UNC13C: variants seen among roughly 807,000 people sequenced by gnomAD.
The protein encoded by UNC13C is protein unc-13 homolog C.
A neutral mutation model predicts 245.4 loss-of-function variants in UNC13C; 174 were observed. The observed-to-expected ratio is 0.71, with a 90% CI of 0.63 to 0.80. UNC13C has a LOEUF of 0.80. Ranked by LOEUF, UNC13C falls within the 30% of genes least tolerant of loss-of-function variation. The probability of loss-of-function intolerance (pLI) is 0.00; values close to 1 mark genes in which losing one functional copy is unlikely to be tolerated. For synonymous variants in UNC13C, 992 were observed against 895.1 expected, an observed-to-expected ratio of 1.11 and a Z score of -1.93; for missense variants, 2,829 against 2,602.9, an observed-to-expected ratio of 1.09 and a Z score of -1.89.
At chr15:53,858,312 G>A in the UNC13C span, among the ~76,000 whole-genome samples, 2 of 151,608 alleles carry the variant, frequency 1.3e-5, no homozygotes, top group Non-Finnish European at 2.9e-5. Flanking sequence ...ATTATGTTTG[G>A]TTTCACTTTA....
chr15:54,361,493 T>C (rs2039230019), intron 17 of UNC13C, among the ~76,000 whole-genome samples: 1 of 152,196 alleles, frequency 6.6e-6, no homozygotes, highest in African/African-American at 2.4e-5. Context: ...TCATAGATAC[T>C]CAATCTGTGC....
the UNC13C span, among the ~76,000 whole-genome samples, chr15:53,939,671 G>A: frequency 2.6e-5 from 4 of 152,180 alleles, no homozygotes; most frequent in African/African-American, 9.7e-5. Flanking sequence ...TGGGATGCAA[G>A]GTTGGTTCAA....
intron 7 of UNC13C, among the ~76,000 whole-genome samples, chr15:54,238,047 G>A (rs979107178): frequency 6.9e-6 from 1 of 144,210 alleles, no homozygotes; most frequent in African/African-American, 2.6e-5. Flanking sequence ...CCAGCTGAAT[G>A]ATTAATTTCC....
the UNC13C span, chr15:53,948,729 T>C: frequency 0.33 from 50,419 of 151,442 alleles, 8,426 homozygotes; most frequent in African/African-American, 0.35. Flanking sequence ...GCAGAAATGA[T>C]GTGAGAAAGA....
intron 4 of UNC13C, among the ~76,000 whole-genome samples, chr15:54,188,598 G>C (rs1008007999): frequency 6.6e-6 from 1 of 152,116 alleles, no homozygotes; most frequent in Non-Finnish European, 1.5e-5. Context: ...AAGCCGGATT[G>C]CTTTACTTCA....
At chr15:53,851,514 ATC>A in the UNC13C span, among the ~76,000 whole-genome samples, 7 of 150,616 alleles carry the variant, frequency 4.6e-5, no homozygotes, top group South Asian at 2.1e-4. Flanking sequence ...AGTAAACAGA[ATC>A]TCTCTCTCTC....
intron 2 of UNC13C, among the ~76,000 whole-genome samples, chr15:54,036,665 C>T (rs1896589553): frequency 2.0e-5 from 3 of 152,180 alleles, no homozygotes; most frequent in Non-Finnish European, 4.4e-5. Flanking sequence ...CTCTGTGTTA[C>T]CTCTCCTTAG....
At chr15:54,068,925 G>A (rs996424266) in intron 2 of UNC13C, among the ~76,000 whole-genome samples, 3 of 152,106 alleles carry the variant, frequency 2.0e-5, no homozygotes, top group Non-Finnish European at 2.9e-5. Flanking sequence ...AATAAGTTAT[G>A]GTGTTTGGAT....
chr15:53,965,533 T>G, the UNC13C span, among the ~76,000 whole-genome samples: 15 of 138,998 alleles, frequency 1.1e-4, no homozygotes, highest in African/African-American at 4.4e-4. Context: ...ACTTTCTTTT[T>G]TTTCCCTTAT....
chr15:54,300,431 A>C (rs1199216919), intron 13 of UNC13C, 58 bp downstream of exon 13: 92 of 1,446,764 alleles, frequency 6.4e-5, no homozygotes, highest in Non-Finnish European at 8.4e-5. Flanking sequence ...AAAGAAAGAA[A>C]GGAGCGTTCA....
intron 19 of UNC13C, among the ~76,000 whole-genome samples, chr15:54,457,203 C>T (rs2141019198): frequency 6.6e-6 from 1 of 152,144 alleles, no homozygotes; most frequent in South Asian, 2.1e-4. Context: ...TATGTTAAAC[C>T]AACCCTCCAT....
At chr15:53,991,764 T>C (rs994547568) in intron 1 of UNC13C, among the ~76,000 whole-genome samples, 1 of 152,204 alleles carries the variant, frequency 6.6e-6, no homozygotes, top group African/African-American at 2.4e-5. Context: ...TTGTTTCTGA[T>C]AGTTAAACAC....
chr15:54,540,278 A>T (rs1192828835), intron 26 of UNC13C, among the ~76,000 whole-genome samples: 2 of 152,124 alleles, frequency 1.3e-5, no homozygotes, highest in Admixed American at 6.6e-5. Flanking sequence ...AAGTTTAGAT[A>T]TATGAAAATG....
chr15:54,050,750 A>G, intron 2 of UNC13C: 1 of 579,866 alleles, frequency 1.7e-6, no homozygotes, highest in Admixed American at 1.9e-5. Context: ...TCCACTAGTG[A>G]ACAAGTTCCT....
rs190464253 is a variant in UNC13C at position 54,374,722 on chromosome 15, A to G, written c.4714-18326A>G. 5.7e-3 allele frequency among the ~76,000 whole-genome samples: 874 copies of G among 152,266 alleles called. 16 individuals carry two copies. The highest frequency in any genetic ancestry group is 0.042 in the Admixed American group (644 of 15,300). Reference sequence around the variant, plus strand: ...AGGATTTCCATTCCTCCAACTTGGAAGGGGTGGGGGCTTCTGCCTGTTCCT... The same window carrying G: ...AGGATTTCCATTCCTCCAACTTGGAGGGGGTGGGGGCTTCTGCCTGTTCCT... On this transcript the variant is annotated intron_variant, in intron 17 of 32. Transcript: ENST00000260323.
chr15:53,928,809 A>T, the UNC13C span, among the ~76,000 whole-genome samples: 4 of 152,178 alleles, frequency 2.6e-5, no homozygotes, highest in Non-Finnish European at 5.9e-5. Context: ...TGTATAAGTG[A>T]TCTTAACATA....
Position 54,013,426 on chromosome 15 carries a change from G to T in UNC13C, c.523G>T (p.Gly175Cys). The T allele has an allele frequency of 3.1e-6, 5 of 1,613,792 alleles. No homozygotes were observed. The highest frequency in any genetic ancestry group is 4.2e-6 in the Non-Finnish European group (5 of 1,179,866). ...GSSDGERTLHGLKLGALRKLR... is the reference protein window; with the variant it reads ...GSSDGERTLHCLKLGALRKLR... ...CTCTGACGGGGAGCGTACTCTACATGGCTTAAAACTGGGAGCTTTACGAAA... is the reference window on the plus strand; with the variant it reads ...CTCTGACGGGGAGCGTACTCTACATTGCTTAAAACTGGGAGCTTTACGAAA... The change falls in exon 2 of 33, where the codon GGC (glycine) becomes TGC (cysteine). Residue 175 changes from glycine (G) to cysteine (C), a missense_variant. Coordinates refer to ENST00000260323, the MANE Select transcript of UNC13C (RefSeq NM_001080534.3).
chr15:54,504,365 C>T (rs1894372991), intron 22 of UNC13C, among the ~76,000 whole-genome samples: 1 of 152,068 alleles, frequency 6.6e-6, no homozygotes, highest in African/African-American at 2.4e-5. Context: ...ATGCTAATCA[C>T]TTTATACATT....
chr15:54,419,889 A>T (rs948818127), intron 19 of UNC13C, among the ~76,000 whole-genome samples: 1 of 152,042 alleles, frequency 6.6e-6, no homozygotes, highest in Non-Finnish European at 1.5e-5. Context: ...CTTGGTACTC[A>T]CTCAAGTATG....
Sources: gnomAD v4.1 joint callset for allele counts (sites outside exome capture counted in the v4.1 genomes callset) on GRCh38, gnomAD v4.1.1 for gene constraint, MANE v1.5 for transcripts, NCBI Gene and HGNC (gene_info 2026-07-23, HGNC 2026-07-21) for gene names.